C10orf143: variants seen among roughly 807,000 people sequenced by gnomAD.
C10orf143 encodes chromosome 10 open reading frame 143.
At chr10:130,057,196 T>G (rs577413336) in intron 3 of C10orf143, among the ~76,000 whole-genome samples, 23 of 152,224 alleles carry the variant, frequency 1.5e-4, no homozygotes, top group African/African-American at 5.3e-4. Context: ...CTGGCTGAAT[T>G]TTTAATTTTT....
At chr10:130,044,388 C>T (rs1262493225) in intron 3 of C10orf143, among the ~76,000 whole-genome samples, 4 of 152,038 alleles carry the variant, frequency 2.6e-5, no homozygotes, top group Non-Finnish European at 2.9e-5. Flanking sequence ...CCTCCTCCAG[C>T]CCAGCCCAGC....
At position 130,051,127 on chromosome 10, in the gene C10orf143, A is replaced by G. The variant is rs189754465; in HGVS notation, c.298-15157T>C. Among the ~76,000 whole-genome samples the G allele has an allele frequency of 5.5e-3, 836 of 152,274 alleles. 10 individuals are homozygous for G. The highest frequency in any genetic ancestry group is 5.2e-3 in the Non-Finnish European group (356 of 67,996). ...CATAGCGAACATCCATGTTCTCACCAGAATTAACTGTTAACACTTGGTCAT... is the reference window on the plus strand; with the variant it reads ...CATAGCGAACATCCATGTTCTCACCGGAATTAACTGTTAACACTTGGTCAT... On this transcript the variant is annotated intron_variant and NMD_transcript_variant, in intron 3 of 5. Transcript: ENST00000643056.
At chr10:130,100,929 T>C (rs1444676324) in intron 1 of C10orf143, among the ~76,000 whole-genome samples, 2 of 152,024 alleles carry the variant, frequency 1.3e-5, no homozygotes, top group Admixed American at 6.6e-5. Flanking sequence ...AAAGCTATAA[T>C]AGCTGAGGCC....
intron 1 of C10orf143, among the ~76,000 whole-genome samples, chr10:130,095,900 A>G (rs552503933): frequency 6.6e-6 from 1 of 152,348 alleles, no homozygotes; most frequent in Non-Finnish European, 1.5e-5. Context: ...CTTCATGACT[A>G]AAACACCAAA....
chr10:130,099,793 G>A (rs1467132757), intron 1 of C10orf143, among the ~76,000 whole-genome samples: 1 of 150,148 alleles, frequency 6.7e-6, no homozygotes, highest in Non-Finnish European at 1.5e-5. Context: ...CTCCCGAAGT[G>A]CAAGGATTAC....
At chr10:130,055,886 C>T (rs768624768) in intron 3 of C10orf143, among the ~76,000 whole-genome samples, 1 of 133,808 alleles carries the variant, frequency 7.5e-6, no homozygotes, top group Non-Finnish European at 1.5e-5. Context: ...GCAGAGGTTG[C>T]AGTGAGCTGA....
rs968333349 is a variant in C10orf143 at position 130,056,647 on chromosome 10, A to G, written c.298-20677T>C. 2.6e-5 allele frequency among the ~76,000 whole-genome samples: 4 copies of G among 151,746 alleles called. No individual in the cohort carries two copies. The highest frequency in any genetic ancestry group is 5.9e-5 in the Non-Finnish European group (4 of 67,938). On this transcript the variant is annotated intron_variant and NMD_transcript_variant, in intron 3 of 5. Transcript: ENST00000643056. The surrounding 1 kb of genome is among the most constrained non-coding windows in gnomAD (Gnocchi z 4.6). ...CGCTCTGTCGCCCAGGCTGGAGTGC[A>G]GTGGCGCTCTCTTGGCTCACTGCAA...
At chr10:130,105,699 C>T (rs998500754) in intron 1 of C10orf143, among the ~76,000 whole-genome samples, 1 of 152,156 alleles carries the variant, frequency 6.6e-6, no homozygotes, top group Non-Finnish European at 1.5e-5. Context: ...CACTGCACTC[C>T]GGCCTGGGCG....
chr10:130,038,859 C>T (rs568718812), intron 3 of C10orf143, among the ~76,000 whole-genome samples: 4 of 152,272 alleles, frequency 2.6e-5, no homozygotes, highest in South Asian at 2.1e-4. Flanking sequence ...GAGGCGGAGA[C>T]GGTAGCAAGG....
chr10:130,043,816 A>C (rs1481001871), intron 3 of C10orf143, among the ~76,000 whole-genome samples: 2 of 152,230 alleles, frequency 1.3e-5, no homozygotes, highest in East Asian at 3.9e-4. Context: ...AGTTAAACCA[A>C]AATGAACGAG....
intron 1 of C10orf143, among the ~76,000 whole-genome samples, chr10:130,098,789 A>G (rs935770019): frequency 2.6e-5 from 4 of 152,140 alleles, no homozygotes; most frequent in African/African-American, 7.2e-5. Flanking sequence ...AAACCTGCCA[A>G]AAATCAGAAA....
chr10:130,073,074 T>C (rs1861057561), intron 3 of C10orf143, among the ~76,000 whole-genome samples: 1 of 152,242 alleles, frequency 6.6e-6, no homozygotes, highest in Non-Finnish European at 1.5e-5. Flanking sequence ...TTGATTCTAC[T>C]GTTTATTTCT....
chr10:130,098,635 GGTAATTAA>G (rs952936730), intron 1 of C10orf143, among the ~76,000 whole-genome samples: 2 of 152,176 alleles, frequency 1.3e-5, no homozygotes, highest in African/African-American at 2.4e-5. Context: ...CTGGGCACTT[GGTAATTAA>G]AGAACCAGAA....
At chr10:130,050,978 C>T (rs766754991) in intron 3 of C10orf143, among the ~76,000 whole-genome samples, 1 of 152,178 alleles carries the variant, frequency 6.6e-6, no homozygotes. Context: ...CAAAACACGC[C>T]GGCCCGTGCG....
Position 130,054,376 on chromosome 10 carries a change from A to G in C10orf143, c.298-18406T>C, listed in dbSNP as rs567223007. On this transcript the variant is annotated intron_variant and NMD_transcript_variant, in intron 3 of 5. Coordinates refer to the C10orf143 transcript ENST00000643056. ...TTTCCTCCTTTTTAAAGACTGAGTA[A>G]TATTCCATCATATGTATAAGTCACA... is the stretch of plus-strand genomic sequence containing the variant. Among the ~76,000 whole-genome samples, 12 of 152,300 alleles carry G rather than the reference A, an allele frequency of 7.9e-5. 1 individual carries two copies. Among genetic ancestry groups the G allele is most frequent in the African/African-American group, 2.6e-4 (11 of 41,570 alleles).
intron 3 of C10orf143, among the ~76,000 whole-genome samples, chr10:130,050,429 G>A (rs376696558): frequency 4.6e-5 from 7 of 152,218 alleles, no homozygotes; most frequent in Admixed American, 6.5e-5. Context: ...GGCAGCGTGC[G>A]CCTGTGGTCC....
chr10:130,102,071 C>T lies in C10orf143; in HGVS notation c.69+8633G>A, dbSNP rs376819080. ...TTGCTTGAGCCCAGGAGTTTGAGACCAGCCTGGACAACATGGTGAAAATCT... is the reference window on the plus strand; with the variant it reads ...TTGCTTGAGCCCAGGAGTTTGAGACTAGCCTGGACAACATGGTGAAAATCT... On this transcript the variant is annotated intron_variant, in intron 1 of 3. Coordinates refer to ENST00000637128, the MANE Select transcript of C10orf143 (RefSeq NM_001355042.2). Among the ~76,000 whole-genome samples, 54 of 151,982 alleles carry T rather than the reference C, an allele frequency of 3.6e-4. No individual in the cohort carries two copies. In the East Asian group the frequency reaches 8.0e-3, roughly 23 times the overall value.
chr10:130,108,494 T>G lies in C10orf143; in HGVS notation c.69+2210A>C, dbSNP rs1169691125. On this transcript the variant is annotated intron_variant, in intron 1 of 3. Transcript: ENST00000637128. Reference sequence around the variant, plus strand: ...TCTTCAAAAGTAATTCTGACTGATCTCATTTCAAGTAACTGCTGTTACTTA... The same window carrying G: ...TCTTCAAAAGTAATTCTGACTGATCGCATTTCAAGTAACTGCTGTTACTTA... 4 of 723,480 alleles carry G rather than the reference T, an allele frequency of 5.5e-6. No homozygotes were observed. In the Admixed American group the frequency reaches 5.9e-5, roughly 11 times the overall value. 44.8% of individuals were successfully genotyped at this position (723,480 alleles called of 1,614,324 possible).
chr10:130,035,958 G>C (rs559697682), exon 4 of C10orf143: 2 of 152,330 alleles, frequency 1.3e-5, no homozygotes, highest in South Asian at 2.1e-4. Context: ...CTGTCTTCTT[G>C]CTGTATCTTC....
Sources: allele counts gnomAD v4.1 joint callset (sites outside exome capture counted in the v4.1 genomes callset), GRCh38; gene constraint gnomAD v4.1.1; non-coding constraint Gnocchi (gnomAD v3.1); transcripts MANE v1.5; gene names NCBI Gene and HGNC (gene_info 2026-07-23, HGNC 2026-07-21).